PDZRN4: variants seen among roughly 807,000 people sequenced by gnomAD.
The protein encoded by PDZRN4 is PDZ domain-containing RING finger protein 4.
In PDZRN4, 70 loss-of-function variants were observed where a neutral mutation model predicts 99.0. The ratio of observed to expected loss-of-function variants is 0.71; its 90% CI spans 0.58 to 0.86. The LOEUF is 0.86. Among genes scored for constraint, PDZRN4 ranks in the 40% least tolerant of loss-of-function variants. PDZRN4 has a pLI of 0.00. For synonymous variants in PDZRN4, 551 were observed against 501.6 expected (o/e 1.10, Z -1.32); for missense variants, 1,474 against 1,331.2 (o/e 1.11, Z -1.67).
At chr12:41,280,123 C>G (rs1951373520) in intron 3 of PDZRN4, among the ~76,000 whole-genome samples, 1 of 152,124 alleles carries the variant, frequency 6.6e-6, no homozygotes, top group Non-Finnish European at 1.5e-5. Context: ...CAGAAAAATC[C>G]CTCCTTTTGC....
chr12:41,282,903 T>C (rs1951397630), intron 3 of PDZRN4, among the ~76,000 whole-genome samples: 1 of 152,176 alleles, frequency 6.6e-6, no homozygotes. Context: ...TAGCACTAAA[T>C]GCCCACAGGA....
intron 3 of PDZRN4, among the ~76,000 whole-genome samples, chr12:41,493,904 G>A (rs1306964583): frequency 2.0e-5 from 3 of 148,146 alleles, no homozygotes; most frequent in African/African-American, 2.5e-5. Context: ...AAAATAATGG[G>A]GGGGGGGATT....
chr12:41,484,554 C>A (rs1937737915), intron 3 of PDZRN4, among the ~76,000 whole-genome samples: 3 of 152,170 alleles, frequency 2.0e-5, no homozygotes, highest in Non-Finnish European at 4.4e-5. Flanking sequence ...TTACTAAATG[C>A]TGAATGCATA....
chr12:41,437,444 TG>T (rs1381956977), intron 3 of PDZRN4, among the ~76,000 whole-genome samples: 14 of 152,336 alleles, frequency 9.2e-5, no homozygotes, highest in African/African-American at 2.6e-4. Flanking sequence ...ATTAAGTGTA[TG>T]TTTTTTTTCA....
rs144196844 is a variant in PDZRN4, at chr12:41,373,721, C to T, written c.844-132735C>T. On this transcript the variant is annotated intron_variant, in intron 3 of 9. Transcript: ENST00000402685. ...CTGAGGTGACATACATCCTCCTCAG[C>T]TTATGAAGATGACGGGATTAAGAGA... Among the ~76,000 whole-genome samples, 597 of 152,160 alleles carry T rather than the reference C, an allele frequency of 3.9e-3. 18 individuals carry two copies. In the East Asian group the frequency reaches 0.091, roughly 23 times the overall value.
rs1239509158 is a variant in PDZRN4, at chr12:41,402,155, T to TAC, written c.844-104300_844-104299insCA. On this transcript the variant is annotated intron_variant, in intron 3 of 9. Transcript: ENST00000402685. ...TATATATATATACACACACTGAGTA[T>TAC]ATATATATATATACACACTGAGTAT... is the stretch of plus-strand genomic sequence containing the variant. 5.1e-4 allele frequency among the ~76,000 whole-genome samples: 29 copies of TAC among 56,852 alleles called. 6 individuals carry two copies. The highest frequency in any genetic ancestry group is 8.9e-4 in the Non-Finnish European group (22 of 24,754). The allele number at this position is 56,852 out of a possible 152,430, so 37.3% of individuals were successfully genotyped here.
chr12:41,194,107 A>G lies in PDZRN4; in HGVS notation c.762A>G (p.Glu254=). The change falls in exon 3 of 10, where the codon GAA becomes GAG. Residue 254 remains glutamate, a synonymous_variant. Coordinates refer to ENST00000402685, the MANE Select transcript of PDZRN4 (RefSeq NM_001164595.2). The stretch of plus-strand genomic sequence containing the variant: ...ATAATCAGGAAGGAACATCGACTGA[A>G]GGAATTTACGTTTCAAAAATTTTAG... ...NQNNQEGTST[E]GIYVSKILEN... The G allele has an allele frequency of 6.5e-7, 1 of 1,540,536 alleles. No homozygotes were observed. The highest frequency in any genetic ancestry group is 1.7e-5 in the Admixed American group (1 of 59,862).
chr12:41,356,119 A>G (rs1171234162), intron 3 of PDZRN4, among the ~76,000 whole-genome samples: 2 of 152,064 alleles, frequency 1.3e-5, no homozygotes, highest in African/African-American at 4.8e-5. Flanking sequence ...TGATCTATGT[A>G]GGACCAAGAT....
At chr12:41,457,337 A>T (rs1257728976) in intron 3 of PDZRN4, among the ~76,000 whole-genome samples, 11 of 152,198 alleles carry the variant, frequency 7.2e-5, no homozygotes, top group African/African-American at 2.7e-4. Flanking sequence ...CATTTTTCTG[A>T]AATGCATTTT....
intron 3 of PDZRN4, among the ~76,000 whole-genome samples, chr12:41,350,733 A>C (rs1724443389): frequency 6.6e-6 from 1 of 152,132 alleles, no homozygotes; most frequent in African/African-American, 2.4e-5. Context: ...GTAGCTTAGA[A>C]AGTTACATAC....
intron 3 of PDZRN4, among the ~76,000 whole-genome samples, chr12:41,236,809 A>G (rs1235044300): frequency 2.0e-5 from 3 of 152,144 alleles, no homozygotes; most frequent in Non-Finnish European, 4.4e-5. Flanking sequence ...CAATCAATAG[A>G]ATAAGGAAGG....
At chr12:41,519,138 T>C (rs1011024670) in intron 5 of PDZRN4, among the ~76,000 whole-genome samples, 6 of 151,976 alleles carry the variant, frequency 3.9e-5, no homozygotes, top group African/African-American at 1.4e-4. Context: ...TTTAAGAGAT[T>C]TGAATTTTCA....
intron 3 of PDZRN4, among the ~76,000 whole-genome samples, chr12:41,293,722 G>A (rs115019505): frequency 1.4e-3 from 207 of 152,232 alleles, no homozygotes; most frequent in African/African-American, 4.5e-3. Context: ...ATGGCTGAAG[G>A]TGTTTTCAGT....
At chr12:41,204,967 G>A (rs955288490) in intron 3 of PDZRN4, among the ~76,000 whole-genome samples, 8 of 151,694 alleles carry the variant, frequency 5.3e-5, no homozygotes, top group African/African-American at 1.9e-4. Flanking sequence ...TGTCAAATCT[G>A]TCTCTATGCC....
At chr12:41,346,294 C>G (rs531398353) in intron 3 of PDZRN4, among the ~76,000 whole-genome samples, 81 of 152,166 alleles carry the variant, frequency 5.3e-4, no homozygotes, top group African/African-American at 1.9e-3. Context: ...AACCCCGTCT[C>G]TACTAAAAAT....
chr12:41,522,970 T>C (rs550255737), intron 5 of PDZRN4, among the ~76,000 whole-genome samples: 3 of 152,216 alleles, frequency 2.0e-5, no homozygotes, highest in Non-Finnish European at 4.4e-5. Flanking sequence ...CAAAAACTTT[T>C]ATTCCCAAGA....
At chr12:41,220,233 G>A (rs1342410595) in intron 3 of PDZRN4, among the ~76,000 whole-genome samples, 3 of 152,068 alleles carry the variant, frequency 2.0e-5, no homozygotes, top group Non-Finnish European at 4.4e-5. Flanking sequence ...TGTCGGCTGG[G>A]TTAGTTTCCC....
At chr12:41,413,774 ACT>A (rs1485644220) in intron 3 of PDZRN4, among the ~76,000 whole-genome samples, 2 of 151,846 alleles carry the variant, frequency 1.3e-5, no homozygotes, top group Admixed American at 1.3e-4. Flanking sequence ...CCAACTTGCC[ACT>A]CTCTGACTTT....
intron 3 of PDZRN4, among the ~76,000 whole-genome samples, chr12:41,322,680 T>C (rs986975172): frequency 2.0e-5 from 3 of 151,794 alleles, no homozygotes; most frequent in African/African-American, 7.3e-5. Flanking sequence ...GTATTTTTAG[T>C]AGAGACAGGT....
Sources: allele counts gnomAD v4.1 joint callset (sites outside exome capture counted in the v4.1 genomes callset), GRCh38; gene constraint gnomAD v4.1.1; transcripts MANE v1.5; gene names NCBI Gene and HGNC (gene_info 2026-07-23, HGNC 2026-07-21).